MYO5B: variants seen among roughly 807,000 people sequenced by gnomAD.
The protein encoded by MYO5B is myosin VB, also known as unconventional myosin-Vb.
Under a neutral mutation model 229.3 loss-of-function variants are expected in MYO5B, and 143 were observed. That is an observed-to-expected ratio of 0.62 (90% CI 0.54 to 0.72). The LOEUF is 0.72. Ranked by LOEUF, MYO5B falls within the 30% of genes least tolerant of loss-of-function variation. The pLI is 0.00. For missense variants in MYO5B, 2,321 were observed against 2,331.0 expected (o/e 1.00, Z 0.09); for synonymous variants, 918 against 885.2 (o/e 1.04, Z -0.66).
chr18:50,037,679 C>A (rs577580597), intron 3 of MYO5B, among the ~76,000 whole-genome samples: 47 of 152,142 alleles, frequency 3.1e-4, no homozygotes, highest in Non-Finnish European at 6.5e-4. Context: ...GCAGGAGAAT[C>A]GCTTAAGGCC....
chr18:49,853,757 T>G, intron 30 of MYO5B, 110 bp from the exon 31 acceptor site: 3 of 994,280 alleles, frequency 3.0e-6, no homozygotes, highest in South Asian at 1.4e-5. Context: ...GCAGCAGCGG[T>G]TGCACATCCC....
chr18:50,053,126 A>G (rs2030446842), intron 2 of MYO5B, among the ~76,000 whole-genome samples: 1 of 152,212 alleles, frequency 6.6e-6, no homozygotes, highest in African/African-American at 2.4e-5. Context: ...TCTAGTCCAC[A>G]GCTCTGCCAA....
chr18:49,946,043 A>G (rs1289823763), intron 14 of MYO5B, among the ~76,000 whole-genome samples: 1 of 152,192 alleles, frequency 6.6e-6, no homozygotes, highest in Admixed American at 6.5e-5. Flanking sequence ...GAAGTTACCA[A>G]TCTGCATAAC....
intron 1 of MYO5B, among the ~76,000 whole-genome samples, chr18:50,174,254 T>C (rs1488909882): frequency 6.6e-6 from 1 of 152,192 alleles, no homozygotes; most frequent in Non-Finnish European, 1.5e-5. Flanking sequence ...AACTGGCTCA[T>C]GTGGAACTTA....
chr18:50,152,529 G>A (rs995718321), intron 1 of MYO5B, among the ~76,000 whole-genome samples: 1 of 152,150 alleles, frequency 6.6e-6, no homozygotes, highest in African/African-American at 2.4e-5. Context: ...GGTACCAGAA[G>A]AGAGTTTGAA....
chr18:49,853,785 G>T (rs2024229897), intron 30 of MYO5B, 138 bp from the exon 31 acceptor site: 1 of 783,914 alleles, frequency 1.3e-6, no homozygotes, highest in Non-Finnish European at 2.1e-6. Flanking sequence ...GATGAATGCA[G>T]CAGGAGACAG....
At chr18:50,015,245 A>T (rs1042471159) in intron 4 of MYO5B, among the ~76,000 whole-genome samples, 14 of 152,142 alleles carry the variant, frequency 9.2e-5, no homozygotes, top group African/African-American at 2.9e-4. Flanking sequence ...AGGGAAATGA[A>T]CCCCTCTGAC....
chr18:49,854,679 T>C (rs2024240105), intron 30 of MYO5B, among the ~76,000 whole-genome samples: 3 of 152,170 alleles, frequency 2.0e-5, no homozygotes, highest in Admixed American at 1.3e-4. Flanking sequence ...ATGACCAAGG[T>C]AGGCACACAG....
At chr18:50,059,069 T>G (rs2030622121) in intron 1 of MYO5B, among the ~76,000 whole-genome samples, 1 of 152,228 alleles carries the variant, frequency 6.6e-6, no homozygotes, top group African/African-American at 2.4e-5. Flanking sequence ...TTTGCAGTCA[T>G]TTCTTTCACA....
Position 49,826,494 on chromosome 18 carries a change from G to A in MYO5B, c.5524C>T (p.Leu1842=), listed in dbSNP as rs2023847808. The change falls in exon 40 of 40, where the codon CTG becomes TTG. Residue 1842 remains leucine (L), a synonymous_variant. Transcript: ENST00000285039. The part of the protein sequence containing the change: ...DSIHIPACLN[L]EFLNEV The stretch of plus-strand genomic sequence containing the variant: ...CTTCAGACTTCATTGAGGAATTCCA[G>A]ATTGAGACACGCTGGGATGTGGATT... 3.7e-6 allele frequency: 6 copies of A among 1,614,048 alleles called. No individual in the cohort carries two copies. Among genetic ancestry groups the A allele is most frequent in the Non-Finnish European group, 5.1e-6 (6 of 1,179,928 alleles).
chr18:50,027,301 G>C (rs1043393214), intron 4 of MYO5B, among the ~76,000 whole-genome samples: 1 of 152,202 alleles, frequency 6.6e-6, no homozygotes, highest in African/African-American at 2.4e-5. Context: ...TCAGGAAAAT[G>C]CTGTGTAACT....
At chr18:50,041,368 T>C (rs2030010019) in intron 2 of MYO5B, among the ~76,000 whole-genome samples, 1 of 152,134 alleles carries the variant, frequency 6.6e-6, no homozygotes, top group Non-Finnish European at 1.5e-5. Context: ...AATATAAATA[T>C]CAATGTTCCT....
At chr18:50,001,665 T>A (rs1396609908) in intron 4 of MYO5B, among the ~76,000 whole-genome samples, 1 of 152,184 alleles carries the variant, frequency 6.6e-6, no homozygotes, top group African/African-American at 2.4e-5. Flanking sequence ...TGCAGACAAC[T>A]GGCCACTCTC....
intron 17 of MYO5B, among the ~76,000 whole-genome samples, chr18:49,918,433 C>T (rs1212805621): frequency 1.3e-5 from 2 of 152,216 alleles, no homozygotes; most frequent in Non-Finnish European, 2.9e-5. Flanking sequence ...TGATGGGTAA[C>T]CTAAGGTTCC....
intron 1 of MYO5B, among the ~76,000 whole-genome samples, chr18:50,092,175 C>T (rs915524004): frequency 1.3e-5 from 2 of 152,050 alleles, no homozygotes; most frequent in Non-Finnish European, 2.9e-5. Flanking sequence ...TAACTGCCTG[C>T]CTTAAAGGGA....
chr18:49,869,497 G>C (rs1223907418), intron 27 of MYO5B, among the ~76,000 whole-genome samples: 3 of 152,178 alleles, frequency 2.0e-5, no homozygotes, highest in African/African-American at 7.2e-5. Context: ...CCTGGCCTAA[G>C]TCAACAGCAG....
At chr18:50,008,592 A>T (rs1478197452) in intron 4 of MYO5B, among the ~76,000 whole-genome samples, 1 of 152,132 alleles carries the variant, frequency 6.6e-6, no homozygotes, top group Non-Finnish European at 1.5e-5. Context: ...GTACAACTCT[A>T]TTTACCTGAA....
chr18:49,880,833 T>G (rs1453253625), intron 22 of MYO5B, among the ~76,000 whole-genome samples: 1 of 152,214 alleles, frequency 6.6e-6, no homozygotes, highest in Non-Finnish European at 1.5e-5. Context: ...CTGTTTATCA[T>G]GAATGCAGGA....
intron 3 of MYO5B, among the ~76,000 whole-genome samples, chr18:50,039,183 G>A (rs948035484): frequency 6.6e-5 from 10 of 152,234 alleles, no homozygotes; most frequent in South Asian, 4.2e-4. Flanking sequence ...CCCAGCAGCC[G>A]GAATCCCCAA....
Sources: allele counts gnomAD v4.1 joint callset (sites outside exome capture counted in the v4.1 genomes callset), GRCh38; gene constraint gnomAD v4.1.1; transcripts MANE v1.5; gene names NCBI Gene and HGNC (gene_info 2026-07-23, HGNC 2026-07-21).